WWOX: variants seen among roughly 807,000 people sequenced by gnomAD.
WWOX encodes the protein WW domain-containing oxidoreductase.
Under a neutral mutation model 46.2 loss-of-function variants are expected in WWOX, and 69 were observed. That is an observed-to-expected ratio of 1.49 (90% CI 1.23 to 1.82). WWOX has a LOEUF of 1.82. Among genes scored for constraint, WWOX ranks in the 40% most tolerant of loss-of-function variants. WWOX has a pLI of 0.00. For missense variants in WWOX, 919 were observed against 542.6 expected (o/e 1.69, Z -6.89); for synonymous variants, 359 against 202.6 (o/e 1.77, Z -6.56).
intron 8 of WWOX, among the ~76,000 whole-genome samples, chr16:79,190,124 A>C (rs900481278): frequency 3.3e-5 from 5 of 152,076 alleles, no homozygotes; most frequent in African/African-American, 1.2e-4. Flanking sequence ...TCCCAGGTTA[A>C]AGCAATTCTT....
In WWOX at chr16:78,756,325, A is replaced by C. The variant is rs537386129; in HGVS notation, c.1056+323573A>C. 4.0e-5 allele frequency among the ~76,000 whole-genome samples: 6 copies of C among 150,910 alleles called. No individual in the cohort carries two copies. The South Asian group carries it at 1.3e-3, about 33-fold the overall frequency. ...TATCTAATGTGTATTTGAAACAAAC[A>C]AAAAAAAATCAATAAAATGAGCAGC... On this transcript the variant is annotated intron_variant, in intron 8 of 8. Coordinates refer to ENST00000566780, the MANE Select transcript of WWOX (RefSeq NM_016373.4).
intron 5 of WWOX, among the ~76,000 whole-genome samples, chr16:78,369,076 ATTC>A (rs1280534476): frequency 1.4e-5 from 2 of 143,930 alleles, no homozygotes; most frequent in Non-Finnish European, 3.0e-5. Flanking sequence ...TTTTTTAACT[ATTC>A]TTCTTTAGAG....
chr16:78,869,509 G>T (rs540222693), intron 8 of WWOX, among the ~76,000 whole-genome samples: 3 of 152,214 alleles, frequency 2.0e-5, no homozygotes, highest in Non-Finnish European at 2.9e-5. Flanking sequence ...TTAGATGAAG[G>T]ATGTAAAATA....
At chr16:78,936,139 G>A (rs1043820995) in intron 8 of WWOX, among the ~76,000 whole-genome samples, 7 of 152,092 alleles carry the variant, frequency 4.6e-5, no homozygotes, top group Admixed American at 2.6e-4. Flanking sequence ...TCTGGGAACC[G>A]GAGAATGGTG....
chr16:79,073,611 T>C (rs1404436112), intron 8 of WWOX, among the ~76,000 whole-genome samples: 1 of 152,236 alleles, frequency 6.6e-6, no homozygotes, highest in African/African-American at 2.4e-5. Context: ...TTCAAATGTC[T>C]GTTCTCCCTT....
At chr16:79,031,047 C>T (rs186769905) in intron 8 of WWOX, among the ~76,000 whole-genome samples, 73 of 147,138 alleles carry the variant, frequency 5.0e-4, no homozygotes, top group African/African-American at 1.7e-3. Flanking sequence ...GAGCCGAGAT[C>T]GAGTCACTGC....
chr16:79,060,208 A>T (rs539532310), intron 8 of WWOX, among the ~76,000 whole-genome samples: 2 of 152,268 alleles, frequency 1.3e-5, no homozygotes, highest in African/African-American at 4.8e-5. Context: ...TTGCTAATTT[A>T]TTTCCTTGAA....
At chr16:78,705,532 G>A (rs1220783592) in intron 8 of WWOX, among the ~76,000 whole-genome samples, 1 of 152,330 alleles carries the variant, frequency 6.6e-6, no homozygotes, top group Non-Finnish European at 1.5e-5. Flanking sequence ...AATGTAAGAA[G>A]TGCTGGCTCT....
intron 8 of WWOX, among the ~76,000 whole-genome samples, chr16:79,048,239 G>C (rs1388241226): frequency 1.3e-5 from 2 of 152,160 alleles, no homozygotes; most frequent in African/African-American, 4.8e-5. Flanking sequence ...GTAGAGCTTG[G>C]AGGTTGTGTT....
chr16:78,149,350 G>A (rs1160231448), intron 4 of WWOX, among the ~76,000 whole-genome samples: 2 of 152,196 alleles, frequency 1.3e-5, no homozygotes, highest in African/African-American at 4.8e-5. Flanking sequence ...AGAACATAGA[G>A]AGAAACTTAT....
intron 4 of WWOX, among the ~76,000 whole-genome samples, chr16:78,132,207 T>C (rs1167848275): frequency 6.6e-6 from 1 of 151,414 alleles, no homozygotes. Flanking sequence ...TTGTATTTTT[T>C]AGTAGAGACG....
intron 8 of WWOX, among the ~76,000 whole-genome samples, chr16:79,067,573 T>C (rs2048465102): frequency 7.2e-6 from 1 of 138,154 alleles, no homozygotes; most frequent in South Asian, 2.5e-4. Context: ...ATAGTACTAA[T>C]ACTTCATGCT....
At chr16:78,500,741 C>T (rs1205811591) in intron 8 of WWOX, among the ~76,000 whole-genome samples, 1 of 152,166 alleles carries the variant, frequency 6.6e-6, no homozygotes, top group African/African-American at 2.4e-5. Flanking sequence ...CCAGTAATAT[C>T]ATTTAATTCG....
chr16:78,706,970 C>A (rs958972765), intron 8 of WWOX, among the ~76,000 whole-genome samples: 1 of 152,112 alleles, frequency 6.6e-6, no homozygotes, highest in African/African-American at 2.4e-5. Flanking sequence ...GCACAAACTG[C>A]CTTTGGAAGT....
At chr16:78,703,016 T>A (rs903842596) in intron 8 of WWOX, among the ~76,000 whole-genome samples, 3 of 152,116 alleles carry the variant, frequency 2.0e-5, no homozygotes, top group Non-Finnish European at 2.9e-5. Context: ...AGAAAATTGA[T>A]CTAAAAAGTA....
rs554163481 is a variant in WWOX at position 78,151,822 on chromosome 16, C to G, written c.410-12361C>G. Among the ~76,000 whole-genome samples the G allele has an allele frequency of 2.6e-5, 4 of 152,308 alleles. No homozygotes were observed. The East Asian group carries it at 7.7e-4, about 29-fold the overall frequency. The stretch of plus-strand genomic sequence containing the variant: ...ACCGGTAACTCTCTCCTGCAGTAAT[C>G]AATGTTGGCACCTGTTTAACCACTT... On this transcript the variant is annotated intron_variant, in intron 4 of 8. Transcript: ENST00000566780.
At chr16:78,863,620 C>G (rs566711972) in intron 8 of WWOX, among the ~76,000 whole-genome samples, 1 of 152,186 alleles carries the variant, frequency 6.6e-6, no homozygotes, top group Non-Finnish European at 1.5e-5. Flanking sequence ...TGTATTCAGG[C>G]AGGCACGAAG....
chr16:78,185,778 C>T lies in WWOX; in HGVS notation c.516+21489C>T, dbSNP rs1027003647. ...ATCTCCCAGGTTCAAGTGATTCTCCCGTCTCAGCCTCCAGAGTAGCTGGGA... is the reference window on the plus strand; with the variant it reads ...ATCTCCCAGGTTCAAGTGATTCTCCTGTCTCAGCCTCCAGAGTAGCTGGGA... On this transcript the variant is annotated intron_variant, in intron 5 of 8. Transcript: ENST00000566780. 6.6e-5 allele frequency among the ~76,000 whole-genome samples: 10 copies of T among 152,208 alleles called. No homozygotes were observed. In the East Asian group the frequency reaches 7.7e-4, roughly 12 times the overall value.
At chr16:78,390,375 C>G (rs1042271965) in intron 6 of WWOX, among the ~76,000 whole-genome samples, 5 of 152,212 alleles carry the variant, frequency 3.3e-5, no homozygotes, top group East Asian at 1.9e-4. Context: ...TCACCAAGCT[C>G]AAAACCTTGG....
Sources: allele counts gnomAD v4.1 joint callset (sites outside exome capture counted in the v4.1 genomes callset), GRCh38; gene constraint gnomAD v4.1.1; transcripts MANE v1.5; gene names NCBI Gene and HGNC (gene_info 2026-07-23, HGNC 2026-07-21).